PIK3R3: variants seen among roughly 807,000 people sequenced by gnomAD.
PIK3R3 encodes the protein phosphoinositide-3-kinase regulatory subunit 3, also known as phosphatidylinositol 3-kinase regulatory subunit gamma.
In PIK3R3, 64 loss-of-function variants were observed where a neutral mutation model predicts 62.9. The ratio of observed to expected loss-of-function variants is 1.02; its 90% CI spans 0.83 to 1.25. PIK3R3 has a LOEUF of 1.25. Among genes scored for constraint, PIK3R3 ranks in the 50% most tolerant of loss-of-function variants. PIK3R3 has a pLI of 0.00. For synonymous variants in PIK3R3, 165 were observed against 189.0 expected (o/e 0.87, Z 1.04); for missense variants, 614 against 561.6 (o/e 1.09, Z -0.94).
the PIK3R3 span, among the ~76,000 whole-genome samples, chr1:46,171,264 TG>T: frequency 6.6e-6 from 1 of 152,198 alleles, no homozygotes; most frequent in African/African-American, 2.4e-5. Context: ...AACTCTTACT[TG>T]GGCTTCAGTA....
intron 1 of PIK3R3, among the ~76,000 whole-genome samples, chr1:46,098,123 T>TA (rs1323384340): frequency 2.6e-5 from 4 of 151,982 alleles, no homozygotes; most frequent in East Asian, 3.9e-4. Context: ...AAATGAAATG[T>TA]AAAAAAAATC....
chr1:46,109,116 GC>G (rs1653484527), intron 1 of PIK3R3, among the ~76,000 whole-genome samples: 1 of 147,440 alleles, frequency 6.8e-6, no homozygotes, highest in Admixed American at 6.8e-5. Context: ...CCAAGATCAC[GC>G]CACTGCACTC....
the PIK3R3 span, among the ~76,000 whole-genome samples, chr1:46,162,376 C>A: frequency 6.6e-6 from 1 of 151,696 alleles, no homozygotes; most frequent in Non-Finnish European, 1.5e-5. Context: ...TCCAGCTACT[C>A]AGGAGGATCA....
the PIK3R3 span, among the ~76,000 whole-genome samples, chr1:46,172,209 G>C: frequency 6.6e-6 from 1 of 152,130 alleles, no homozygotes; most frequent in African/African-American, 2.4e-5. Context: ...TCTCCCCTGG[G>C]CTGCTCCCCA....
At chr1:46,091,138 C>CTTTT (rs148774563) in intron 1 of PIK3R3, among the ~76,000 whole-genome samples, 1 of 127,650 alleles carries the variant, frequency 7.8e-6, no homozygotes, top group African/African-American at 2.9e-5. Context: ...AGCATTTTAA[C>CTTTT]TTTTTTTTTT....
the PIK3R3 span, among the ~76,000 whole-genome samples, chr1:46,156,876 A>C: frequency 1.3e-5 from 2 of 152,206 alleles, no homozygotes; most frequent in Admixed American, 6.5e-5. Context: ...TAATTAGCTA[A>C]TGTGAACAAA....
chr1:46,121,701 C>T (rs959416774), intron 1 of PIK3R3, among the ~76,000 whole-genome samples: 1 of 152,030 alleles, frequency 6.6e-6, no homozygotes, highest in African/African-American at 2.4e-5. Flanking sequence ...TAAGATTACA[C>T]AGTTGCATGC....
intron 1 of PIK3R3, among the ~76,000 whole-genome samples, chr1:46,119,680 G>A (rs980454177): frequency 6.6e-6 from 1 of 151,856 alleles, no homozygotes; most frequent in African/African-American, 2.4e-5. Flanking sequence ...ATGCTGCCCA[G>A]GCTGATCTCC....
chr1:46,070,457 G>A (rs1271584507), intron 3 of PIK3R3, among the ~76,000 whole-genome samples: 2 of 152,224 alleles, frequency 1.3e-5, no homozygotes, highest in Non-Finnish European at 2.9e-5. Flanking sequence ...ATAGTTAAAA[G>A]TGGGAAGAAA....
At chr1:46,161,651 C>T in the PIK3R3 span, among the ~76,000 whole-genome samples, 1 of 151,248 alleles carries the variant, frequency 6.6e-6, no homozygotes, top group African/African-American at 2.4e-5. Flanking sequence ...AGGAATATCA[C>T]TGGAGCCCAG....
chr1:46,153,357 G>C, the PIK3R3 span, among the ~76,000 whole-genome samples: 9 of 152,176 alleles, frequency 5.9e-5, no homozygotes, highest in Non-Finnish European at 8.8e-5. Context: ...CTTGAGTTGA[G>C]AATAAGTTCT....
intron 1 of PIK3R3, among the ~76,000 whole-genome samples, chr1:46,087,036 A>G (rs929203121): frequency 2.6e-5 from 4 of 152,206 alleles, no homozygotes; most frequent in African/African-American, 7.2e-5. Context: ...CAAACACTGC[A>G]TGTTCTCACT....
At chr1:46,162,047 G>T in the PIK3R3 span, among the ~76,000 whole-genome samples, 3 of 149,588 alleles carry the variant, frequency 2.0e-5, no homozygotes, top group Non-Finnish European at 3.0e-5. Flanking sequence ...AGCCGAGATC[G>T]CGCCACCGCA....
rs1201940543 is a variant in PIK3R3 at position 46,131,956 on chromosome 1, G to A, written c.-4C>T. On this transcript the variant is annotated 5_prime_UTR_variant, in exon 1 of 10. Transcript: ENST00000262741. The stretch of plus-strand genomic sequence containing the variant: ...TACTCCACACCGTATTGTACATCGC[G>A]CTGTCAGGGGCAGGTCGCCAGGAGA... 9 of 1,613,314 alleles carry A rather than the reference G, an allele frequency of 5.6e-6. No individual in the cohort carries two copies. The highest frequency in any genetic ancestry group is 7.6e-6 in the Non-Finnish European group (9 of 1,179,824).
At chr1:46,146,014 G>T in the PIK3R3 span, among the ~76,000 whole-genome samples, 6 of 152,226 alleles carry the variant, frequency 3.9e-5, no homozygotes, top group African/African-American at 1.4e-4. Context: ...AGAGAGGTAG[G>T]CTCAGAGAAG....
At position 46,043,677 on chromosome 1, in the gene PIK3R3, C is replaced by A. The variant is rs776128904; in HGVS notation, c.1382G>T (p.Arg461Ile). The stretch of plus-strand genomic sequence containing the variant: ...ACCTCTCTTCCCACTTCCTCTTTAT[C>A]TGCAAAGCGAGGGCATCTGTGCATG... Reference protein sequence around the residue: ...PVHAQMPSLCR With the variant: ...PVHAQMPSLCI The change falls in exon 10 of 10, where the codon AGA becomes ATA. Residue 461 changes from arginine to isoleucine, a missense_variant. By Grantham distance (97) the Arg-to-Ile change is moderately conservative. Coordinates refer to ENST00000262741, the MANE Select transcript of PIK3R3 (RefSeq NM_003629.4). The A allele has an allele frequency of 1.9e-6, 3 of 1,613,970 alleles. No homozygotes were observed. The highest frequency in any genetic ancestry group is 1.7e-5 in the Admixed American group (1 of 60,020).
chr1:46,173,541 G>T, the PIK3R3 span, among the ~76,000 whole-genome samples: 2 of 152,176 alleles, frequency 1.3e-5, no homozygotes, highest in East Asian at 1.9e-4. Context: ...CAGCCTGAGA[G>T]CCTGGTGTTC....
At chr1:46,047,712 T>C (rs985353323) in intron 7 of PIK3R3, among the ~76,000 whole-genome samples, 2 of 152,232 alleles carry the variant, frequency 1.3e-5, no homozygotes, top group African/African-American at 2.4e-5. Context: ...CTCTACACTT[T>C]ACCTTGTTTT....
intron 1 of PIK3R3, among the ~76,000 whole-genome samples, chr1:46,096,986 C>CA (rs889318751): frequency 0.011 from 1,491 of 132,730 alleles, 23 homozygotes; most frequent in African/African-American, 0.025. Flanking sequence ...AGAAAACAAA[C>CA]AAAAAAAAAA....
Sources: allele counts gnomAD v4.1 joint callset (sites outside exome capture counted in the v4.1 genomes callset), GRCh38; gene constraint gnomAD v4.1.1; transcripts MANE v1.5; gene names NCBI Gene and HGNC (gene_info 2026-07-23, HGNC 2026-07-21).